The following NDUFA10 variants were observed in gnomAD, a reference collection of about 807,000 sequenced individuals.
NDUFA10 encodes NADH dehydrogenase [ubiquinone] 1 alpha subcomplex subunit 10, mitochondrial.
In NDUFA10, 40 loss-of-function variants were observed where a neutral mutation model predicts 47.8. That is an observed-to-expected ratio of 0.84 (90% confidence interval 0.65 to 1.09). NDUFA10 has a LOEUF of 1.09. Ranked by LOEUF, NDUFA10 falls within the 50% of genes least tolerant of loss-of-function variation. The pLI, the probability that NDUFA10 is intolerant of heterozygous loss-of-function variation, is 0.00. For synonymous variants in NDUFA10, 183 were observed against 172.2 expected, an observed-to-expected ratio of 1.06 and a Z score of -0.49; for missense variants, 413 against 451.1, an observed-to-expected ratio of 0.92 and a Z score of 0.76.
rs71045922 is a variant in NDUFA10 at position 239,966,848 on chromosome 2, CTTTTTTT to C, written c.1000-5669_1000-5663del. Among the ~76,000 whole-genome samples, 1,084 of 113,826 alleles carry C rather than the reference CTTTTTTT, an allele frequency of 9.5e-3. 15 individuals carry two copies. The highest frequency in any genetic ancestry group is 0.04 in the East Asian group (154 of 3,888). 74.7% of individuals were successfully genotyped at this position (113,826 alleles called of 152,430 possible). A position where few individuals can be genotyped will look rare whatever the true frequency, so the allele number is the denominator to read the frequency against. ...AATTTTACAGCATGTGCAAGGATTTCTTTTTTTTTTTTTTTTTTTTTTCCCTAAGAGA... is the reference window on the plus strand; with the variant it reads ...AATTTTACAGCATGTGCAAGGATTTCTTTTTTTTTTTTTTTCCCTAAGAGA... On this transcript the variant is annotated intron_variant, in intron 9 of 9. Coordinates refer to ENST00000252711, the MANE Select transcript of NDUFA10 (RefSeq NM_004544.4).
At chr2:239,908,973 G>A (rs1371002773) in intron 4 of NDUFA10, among the ~76,000 whole-genome samples, 3 of 152,182 alleles carry the variant, frequency 2.0e-5, no homozygotes, top group East Asian at 3.9e-4. Flanking sequence ...CAGCTAACTC[G>A]AAGGTGTGGT....
At position 239,946,352 on chromosome 2, in the gene NDUFA10, GT is replaced by G. The variant is rs370627747; in HGVS notation, c.294+43721del. ...TGGGAGGGTTTCCGAAGGGTAGTGT[GT>G]TACTAGGGGAAGACGTTGTCCCTTG... On this transcript the variant is annotated intron_variant, in intron 4 of 5. Transcript: ENST00000419408. 2.6e-3 allele frequency among the ~76,000 whole-genome samples: 403 copies of G among 152,314 alleles called. 1 individual carries two copies. The highest frequency in any genetic ancestry group is 6.8e-3 in the Middle Eastern group (2 of 294).
intron 4 of NDUFA10, among the ~76,000 whole-genome samples, chr2:239,915,125 C>A (rs1189749594): frequency 1.4e-5 from 2 of 141,260 alleles, no homozygotes; most frequent in East Asian, 4.1e-4. Context: ...AGAACACACA[C>A]ATACACAGAC....
At position 239,945,417 on chromosome 2, in the gene NDUFA10, C is replaced by T. The variant is rs568502870; in HGVS notation, c.294+44657G>A. Among the ~76,000 whole-genome samples the T allele has an allele frequency of 5.3e-5, 8 of 152,320 alleles. No homozygotes were observed. Among genetic ancestry groups the T allele is most frequent in the Middle Eastern group, 3.4e-3 (1 of 294 alleles). On this transcript the variant is annotated intron_variant, in intron 4 of 5. Coordinates refer to the NDUFA10 transcript ENST00000419408. This position sits in a 1 kb window ranked among gnomAD's most constrained non-coding sequence, Gnocchi z 4.6. The stretch of plus-strand genomic sequence containing the variant: ...GACCAAGCTCCTCACCTCTGAGCGT[C>T]GCTCCAGCTCCTTTCAAAGACGCTG...
At chr2:239,966,850 T>C (rs1230680445) in intron 9 of NDUFA10, among the ~76,000 whole-genome samples, 1 of 86,098 alleles carries the variant, frequency 1.2e-5, no homozygotes, top group Non-Finnish European at 2.4e-5. Context: ...AAGGATTTCT[T>C]TTTTTTTTTT....
chr2:240,020,732 A>G lies in NDUFA10; in HGVS notation c.460+465T>C, dbSNP rs1004846691. Among the ~76,000 whole-genome samples, 3 of 152,072 alleles carry G rather than the reference A, an allele frequency of 2.0e-5. No individual in the cohort carries two copies. In the South Asian group the frequency reaches 6.2e-4, roughly 32 times the overall value. On this transcript the variant is annotated intron_variant, in intron 3 of 9. Coordinates refer to ENST00000252711, the MANE Select transcript of NDUFA10 (RefSeq NM_004544.4). Reference sequence around the variant, plus strand: ...TTCTGCCTCCCCCCGTCATCTTATCAAGATTCACGTCTGCCTCGTGGCTTT... The same window carrying G: ...TTCTGCCTCCCCCCGTCATCTTATCGAGATTCACGTCTGCCTCGTGGCTTT...
At chr2:239,943,836 T>G (rs941547939) in intron 4 of NDUFA10, among the ~76,000 whole-genome samples, 1 of 152,182 alleles carries the variant, frequency 6.6e-6, no homozygotes. Flanking sequence ...GAGCTGGACC[T>G]GCAGTCCAAG....
At chr2:239,951,826 C>G (rs140408815) in intron 4 of NDUFA10, among the ~76,000 whole-genome samples, 179 of 152,374 alleles carry the variant, frequency 1.2e-3, no homozygotes, top group African/African-American at 4.2e-3. Flanking sequence ...CTGGTCCCAA[C>G]GGCACACCGA....
At chr2:239,925,538 C>T (rs1391532579) in intron 4 of NDUFA10, among the ~76,000 whole-genome samples, 1 of 152,108 alleles carries the variant, frequency 6.6e-6, no homozygotes, top group Non-Finnish European at 1.5e-5. Context: ...CACAATGGAC[C>T]ACAGACTTAA....
intron 4 of NDUFA10, chr2:240,018,307 T>C: frequency 8.7e-7 from 1 of 1,145,592 alleles, no homozygotes; most frequent in Non-Finnish European, 1.2e-6. Flanking sequence ...TGCGTGTGTT[T>C]GAGGTCCAGG....
chr2:239,899,383 GGGTGTGGTGGA>G (rs1693493183), intron 4 of NDUFA10, among the ~76,000 whole-genome samples: 1 of 114,386 alleles, frequency 8.7e-6, no homozygotes, highest in Non-Finnish European at 2.0e-5. Context: ...GGGTGTGGAG[GGGTGTGGTGGA>G]GAGGTATGAT....
At chr2:239,937,457 C>A (rs929688642) in intron 4 of NDUFA10, among the ~76,000 whole-genome samples, 2 of 152,132 alleles carry the variant, frequency 1.3e-5, no homozygotes, top group African/African-American at 4.8e-5. Flanking sequence ...AAGTAACTGG[C>A]ATCATACACT....
chr2:239,933,270 C>T (rs777193482), intron 4 of NDUFA10, among the ~76,000 whole-genome samples: 6 of 152,186 alleles, frequency 3.9e-5, no homozygotes, highest in Non-Finnish European at 5.9e-5. Flanking sequence ...CCATCTGCCT[C>T]GGGTCCCTCT....
chr2:239,955,955 C>T (rs964594149), downstream of NDUFA10, among the ~76,000 whole-genome samples: 1 of 152,186 alleles, frequency 6.6e-6, no homozygotes, highest in Non-Finnish European at 1.5e-5. Flanking sequence ...CAGAGGAAAG[C>T]TCTGCAGCCA....
intron 7 of NDUFA10, 36 bp downstream of exon 7, chr2:240,007,280 T>C: frequency 1.4e-6 from 2 of 1,470,838 alleles, no homozygotes; most frequent in Non-Finnish European, 1.9e-6. Flanking sequence ...GAATCAAATG[T>C]AGGAATAACT....
chr2:239,913,781 A>C (rs1559274958), intron 4 of NDUFA10, among the ~76,000 whole-genome samples: 1 of 152,230 alleles, frequency 6.6e-6, no homozygotes, highest in African/African-American at 2.4e-5. Context: ...ATCCCACCCC[A>C]TCTGGCAGGC....
At chr2:239,912,859 T>A (rs1388482540) in intron 4 of NDUFA10, among the ~76,000 whole-genome samples, 2 of 152,206 alleles carry the variant, frequency 1.3e-5, no homozygotes, top group Non-Finnish European at 1.5e-5. Flanking sequence ...CGGGTCCACG[T>A]GCTGCCTCAA....
downstream of NDUFA10, among the ~76,000 whole-genome samples, chr2:239,952,727 T>C (rs1482502267): frequency 7.2e-5 from 11 of 152,082 alleles, no homozygotes; most frequent in Non-Finnish European, 1.0e-4. Context: ...GTGCACCACA[T>C]GGGGACAGGG....
intron 4 of NDUFA10, among the ~76,000 whole-genome samples, chr2:239,918,412 C>T (rs13400279): frequency 0.046 from 7,031 of 151,934 alleles, 540 homozygotes; most frequent in African/African-American, 0.16. Context: ...TGCCCCCGCA[C>T]GCCAGGCCTG....
Sources: allele counts gnomAD v4.1 joint callset (sites outside exome capture counted in the v4.1 genomes callset), GRCh38; gene constraint gnomAD v4.1.1; non-coding constraint Gnocchi (gnomAD v3.1); transcripts MANE v1.5; gene names NCBI Gene and HGNC (gene_info 2026-07-23, HGNC 2026-07-21).